The following ROBO1 variants were observed in gnomAD, a reference collection of about 807,000 sequenced individuals.
The protein encoded by ROBO1 is roundabout guidance receptor 1.
Under a neutral mutation model 195.9 loss-of-function variants are expected in ROBO1, and 149 were observed. The ratio of observed to expected loss-of-function variants is 0.76; its 90% confidence interval spans 0.67 to 0.87. The LOEUF (loss-of-function observed/expected upper bound fraction) is 0.87, where lower values mean the gene tolerates loss of function less well. ROBO1 is among the 40% of genes least tolerant of loss of function. The pLI, the probability that ROBO1 is intolerant of heterozygous loss-of-function variation, is 0.00. For synonymous variants in ROBO1, 816 were observed against 733.2 expected (o/e 1.11, Z -1.82); for missense variants, 1,933 against 2,068.3 (o/e 0.93, Z 1.27).
At chr3:78,875,924 C>A (rs2035815690) in intron 4 of ROBO1, among the ~76,000 whole-genome samples, 2 of 152,006 alleles carry the variant, frequency 1.3e-5, no homozygotes, top group African/African-American at 4.8e-5. Flanking sequence ...TACCTGAAAT[C>A]AATCATCATT....
intron 2 of ROBO1, among the ~76,000 whole-genome samples, chr3:79,440,938 G>A (rs1319199497): frequency 6.6e-6 from 1 of 152,062 alleles, no homozygotes; most frequent in Non-Finnish European, 1.5e-5. Context: ...ATTTTCAACA[G>A]ATGAATGACC....
chr3:78,667,917 A>G lies in ROBO1; in HGVS notation c.1932T>C (p.Asp644=), dbSNP rs766948239. The change falls in exon 14 of 31, where the codon GAT becomes GAC. Residue 644 remains aspartate (D), a synonymous_variant. Coordinates refer to ENST00000464233, the MANE Select transcript of ROBO1 (RefSeq NM_002941.4). ...TCACTGGATCTGATATTTGGCTTGG[A>G]TCACTAATTCCATATGCATTAGCTG... ...VRAANAYGIS[D]PSQISDPVKT... 4.3e-6 allele frequency: 7 copies of G among 1,613,748 alleles called. No individual in the cohort carries two copies. In the Admixed American group the frequency reaches 1.2e-4, roughly 27 times the overall value.
chr3:79,102,004 C>A (rs2079684846), intron 3 of ROBO1, among the ~76,000 whole-genome samples: 1 of 151,782 alleles, frequency 6.6e-6, no homozygotes, highest in Non-Finnish European at 1.5e-5. Flanking sequence ...GTAGTCAGAG[C>A]TTTGACCTAC....
At chr3:79,725,440 A>C (rs1055405162) in intron 1 of ROBO1, among the ~76,000 whole-genome samples, 2 of 151,584 alleles carry the variant, frequency 1.3e-5, no homozygotes, top group African/African-American at 4.8e-5. Context: ...GTTAGCCAGG[A>C]TGGTCTCGAT....
rs1238725230 is a variant in ROBO1, at chr3:79,433,040, A to T, written c.88+156784T>A. On this transcript the variant is annotated intron_variant, in intron 2 of 30. Coordinates refer to ENST00000464233, the MANE Select transcript of ROBO1 (RefSeq NM_002941.4). Reference sequence around the variant, plus strand: ...AATGTCCAACTTCTATTTGAAGTTCAGGGGTACATGTGCCGATGTGTGGGT... The same window carrying T: ...AATGTCCAACTTCTATTTGAAGTTCTGGGGTACATGTGCCGATGTGTGGGT... 2.0e-5 allele frequency among the ~76,000 whole-genome samples: 3 copies of T among 152,196 alleles called. No individual in the cohort carries two copies. In the East Asian group the frequency reaches 5.8e-4, roughly 29 times the overall value.
chr3:79,289,203 A>T (rs896203213), intron 2 of ROBO1, among the ~76,000 whole-genome samples: 13 of 152,180 alleles, frequency 8.5e-5, no homozygotes, highest in African/African-American at 3.1e-4. Context: ...TAAAAACATT[A>T]AAAAATCACA....
At chr3:78,675,842 T>C (rs548629394) in intron 10 of ROBO1, among the ~76,000 whole-genome samples, 47 of 152,214 alleles carry the variant, frequency 3.1e-4, no homozygotes, top group African/African-American at 1.1e-3. Flanking sequence ...AGCACGCAGC[T>C]GGAGATCTGA....
chr3:78,692,513 C>T (rs538159424), intron 8 of ROBO1, among the ~76,000 whole-genome samples: 1 of 152,228 alleles, frequency 6.6e-6, no homozygotes, highest in African/African-American at 2.4e-5. Flanking sequence ...TCAAATTATT[C>T]ACCCACCTCG....
intron 4 of ROBO1, among the ~76,000 whole-genome samples, chr3:78,798,217 C>T (rs1368045049): frequency 2.6e-5 from 4 of 152,158 alleles, no homozygotes; most frequent in African/African-American, 9.7e-5. Context: ...ATTTCAGTAA[C>T]TGTTACACTT....
chr3:78,813,597 C>T (rs1321646255), intron 4 of ROBO1, among the ~76,000 whole-genome samples: 2 of 152,018 alleles, frequency 1.3e-5, no homozygotes, highest in Non-Finnish European at 2.9e-5. Context: ...TTTTGTCATT[C>T]ACATTACAGA....
At chr3:79,166,792 C>A (rs1231406970) in intron 2 of ROBO1, among the ~76,000 whole-genome samples, 1 of 152,004 alleles carries the variant, frequency 6.6e-6, no homozygotes, top group Non-Finnish European at 1.5e-5. Flanking sequence ...TGGTCTCGAT[C>A]TCCTGACCTC....
At position 78,938,635 on chromosome 3, in the gene ROBO1, C is replaced by T; in HGVS notation, c.465G>A (p.Glu155=). Residue 155 remains glutamate (E), a synonymous_variant, in exon 4 of 31, where the codon GAG becomes GAA. Coordinates refer to ENST00000464233, the MANE Select transcript of ROBO1 (RefSeq NM_002941.4). ...YVCVARNYLG[E]AVSHNASLEV... ...CCAGCGATGCATTGTGGCTCACAGC[C>T]TCTCCAAGGTAATTCCTTGCTACAC... 2 of 1,612,898 alleles carry T rather than the reference C, an allele frequency of 1.2e-6. No homozygotes were observed. The highest frequency in any genetic ancestry group is 1.1e-5 in the South Asian group (1 of 91,050).
intron 4 of ROBO1, among the ~76,000 whole-genome samples, chr3:78,933,144 A>C (rs1258611431): frequency 6.6e-6 from 1 of 152,102 alleles, no homozygotes; most frequent in Non-Finnish European, 1.5e-5. Flanking sequence ...GCTAGAAGGA[A>C]TATTACATTC....
intron 3 of ROBO1, among the ~76,000 whole-genome samples, chr3:79,011,680 T>A (rs889470895): frequency 2.8e-5 from 4 of 142,488 alleles, no homozygotes; most frequent in African/African-American, 9.9e-5. Flanking sequence ...TATATATAAA[T>A]ATATATGTTT....
chr3:79,754,993 G>A (rs2107493764), intron 1 of ROBO1, among the ~76,000 whole-genome samples: 1 of 152,138 alleles, frequency 6.6e-6, no homozygotes, highest in East Asian at 1.9e-4. Flanking sequence ...CTATTCTCCT[G>A]CCTCAGCCTC....
chr3:79,007,438 C>T (rs1256446954), intron 3 of ROBO1, among the ~76,000 whole-genome samples: 1 of 152,024 alleles, frequency 6.6e-6, no homozygotes, highest in Non-Finnish European at 1.5e-5. Flanking sequence ...CCAGGTACCG[C>T]CCAAGGGATT....
chr3:78,771,721 A>G (rs2108431115), intron 4 of ROBO1, among the ~76,000 whole-genome samples: 1 of 152,238 alleles, frequency 6.6e-6, no homozygotes, highest in Admixed American at 6.6e-5. Context: ...GTGTATACAA[A>G]TTTTTGTAAA....
chr3:79,673,815 G>A (rs1946702460), intron 1 of ROBO1, among the ~76,000 whole-genome samples: 3 of 151,764 alleles, frequency 2.0e-5, no homozygotes, highest in Admixed American at 2.0e-4. Context: ...TTACCTTTGG[G>A]GATTGCTGAC....
intron 2 of ROBO1, among the ~76,000 whole-genome samples, chr3:79,379,945 A>C: frequency 6.6e-6 from 1 of 152,296 alleles, no homozygotes. Flanking sequence ...TGTATTATAT[A>C]ACTATTTATT....
Sources: allele counts gnomAD v4.1 joint callset (sites outside exome capture counted in the v4.1 genomes callset), GRCh38; gene constraint gnomAD v4.1.1; transcripts MANE v1.5; gene names NCBI Gene and HGNC (gene_info 2026-07-23, HGNC 2026-07-21).